Variants in RAB35 observed in about 807,000 individuals in gnomAD.
RAB35 encodes ras-related protein Rab-35.
Under a neutral mutation model 28.9 loss-of-function variants are expected in RAB35, and 4 were observed. The observed-to-expected ratio is 0.14, with a 90% CI of 0.07 to 0.32. The LOEUF is 0.32. RAB35 is among the 10% of genes least tolerant of loss of function. The pLI is 1.00. For missense variants in RAB35, 128 were observed against 274.0 expected (o/e 0.47, Z 3.76); for synonymous variants, 99 against 105.1 (o/e 0.94, Z 0.35).
At chr12:120,101,444 G>C (rs1875653061) in intron 3 of RAB35, among the ~76,000 whole-genome samples, 1 of 152,200 alleles carries the variant, frequency 6.6e-6, no homozygotes, top group Non-Finnish European at 1.5e-5. Flanking sequence ...CAGCTTCTGA[G>C]AGCAAGAACC....
chr12:120,103,349 G>A lies in RAB35; in HGVS notation c.227+477C>T, dbSNP rs560935480. On this transcript the variant is annotated intron_variant, in intron 3 of 5. Coordinates refer to ENST00000229340, the MANE Select transcript of RAB35 (RefSeq NM_006861.7). The surrounding 1 kb of genome is among the most constrained non-coding windows in gnomAD (Gnocchi z 6.1). ...AGGGAAGGGCCTGCTGACATGCACC[G>A]TGTTCGTCTCTAGACAGCGTCACTT... Among the ~76,000 whole-genome samples the A allele has an allele frequency of 2.6e-5, 4 of 152,292 alleles. No homozygotes were observed. The highest frequency in any genetic ancestry group is 4.1e-4 in the South Asian group (2 of 4,828).
intron 1 of RAB35, among the ~76,000 whole-genome samples, chr12:120,112,044 G>C (rs114247898): frequency 4.6e-5 from 7 of 150,892 alleles, no homozygotes; most frequent in African/African-American, 9.8e-5. Flanking sequence ...ACGGTGGCGC[G>C]ATCTTGGCTG....
intron 5 of RAB35, 149 bp downstream of exon 5, chr12:120,098,662 C>T (rs1009253548): frequency 5.5e-6 from 6 of 1,089,270 alleles, no homozygotes; most frequent in Middle Eastern, 2.8e-4. Flanking sequence ...GAACTAAGAT[C>T]GTTAAAGGGC....
At chr12:120,108,494 G>C (rs532334709) in intron 1 of RAB35, 27 bp from the exon 2 acceptor site, 2 of 1,610,520 alleles carry the variant, frequency 1.2e-6, no homozygotes, top group Admixed American at 1.7e-5. Context: ...ACTGCGATGA[G>C]GGGGGCAGGT....
chr12:120,113,841 G>T (rs556319678), intron 1 of RAB35, among the ~76,000 whole-genome samples: 51 of 151,400 alleles, frequency 3.4e-4, no homozygotes, highest in African/African-American at 1.2e-3. Flanking sequence ...AGGAAAAAAA[G>T]AAAATATAGA....
rs1411772128 is a variant in RAB35, at chr12:120,096,671, G to T, written c.*574C>A. 1 of 1,289,860 alleles carries T rather than the reference G, an allele frequency of 7.8e-7. No individual in the cohort carries two copies. 79.9% of individuals were successfully genotyped at this position (1,289,860 alleles called of 1,614,324 possible). On this transcript the variant is annotated 3_prime_UTR_variant, in exon 6 of 6. Coordinates refer to ENST00000229340, the MANE Select transcript of RAB35 (RefSeq NM_006861.7). ...AGAATGGCTGTGGGGACAGGACAAC[G>T]GGGAGGGAAGGGAGCTGGCACAGGC...
Position 120,097,161 on chromosome 12 carries a change from C to CT in RAB35, c.*83dup. ...GAATTCTTTAAATAACGGCACGAAACTGAGACTGTCCCCCGAGGAACCTCC... is the reference window on the plus strand; with the variant it reads ...GAATTCTTTAAATAACGGCACGAAACTTGAGACTGTCCCCCGAGGAACCTCC... On this transcript the variant is annotated 3_prime_UTR_variant, in exon 6 of 6. Coordinates refer to ENST00000229340, the MANE Select transcript of RAB35 (RefSeq NM_006861.7). The CT allele has an allele frequency of 6.2e-7, 1 of 1,612,942 alleles. No homozygotes were observed. Among genetic ancestry groups the CT allele is most frequent in the Non-Finnish European group, 8.5e-7 (1 of 1,179,602 alleles).
intron 1 of RAB35, among the ~76,000 whole-genome samples, chr12:120,113,128 G>A (rs1876188344): frequency 6.6e-6 from 1 of 150,580 alleles, no homozygotes; most frequent in Non-Finnish European, 1.5e-5. Context: ...CTGACCTCAG[G>A]TGATCTGCCC....
chr12:120,108,273 C>A, intron 2 of RAB35, 144 bp downstream of exon 2: 1 of 801,756 alleles, frequency 1.2e-6, no homozygotes, highest in South Asian at 1.7e-5. Context: ...GTCCTAAGCC[C>A]CACTCCATCT....
Position 120,102,008 on chromosome 12 carries a change from G to T in RAB35, c.227+1818C>A, listed in dbSNP as rs751163728. 3.2e-4 allele frequency among the ~76,000 whole-genome samples: 48 copies of T among 152,262 alleles called. 1 individual carries two copies. The highest frequency in any genetic ancestry group is 3.9e-4 in the Admixed American group (6 of 15,302). ...CAGGAGTTCATTCCTCATGGCCACGGGCCTCTGAACCTCTGCCACCCTGAA... is the reference window on the plus strand; with the variant it reads ...CAGGAGTTCATTCCTCATGGCCACGTGCCTCTGAACCTCTGCCACCCTGAA... On this transcript the variant is annotated intron_variant, in intron 3 of 5. Transcript: ENST00000229340.
At chr12:120,115,206 AC>A (rs1876281114) in intron 1 of RAB35, among the ~76,000 whole-genome samples, 1 of 151,504 alleles carries the variant, frequency 6.6e-6, no homozygotes. Context: ...GCCATCCTTC[AC>A]CTGATCCAAA....
At chr12:120,113,536 T>C (rs1374918401) in intron 1 of RAB35, among the ~76,000 whole-genome samples, 2 of 151,738 alleles carry the variant, frequency 1.3e-5, no homozygotes, top group Non-Finnish European at 2.9e-5. Context: ...AATACAGAAC[T>C]GGCCGGGCGC....
intron 1 of RAB35, among the ~76,000 whole-genome samples, chr12:120,116,008 C>T (rs1876316188): frequency 6.6e-6 from 1 of 152,190 alleles, no homozygotes; most frequent in Admixed American, 6.5e-5. Flanking sequence ...AGCCCTTTAT[C>T]CGACTTACCT....
In RAB35 at chr12:120,096,510, A is replaced by C. The variant is rs569514529; in HGVS notation, c.*735T>G. ...GAACTGAAACCTGTTGGTGTAAATG[A>C]GAAGCCATGGCTGCCCTGGGTTTGG... On this transcript the variant is annotated 3_prime_UTR_variant, in exon 6 of 6. Coordinates refer to ENST00000229340, the MANE Select transcript of RAB35 (RefSeq NM_006861.7). 7.8e-7 allele frequency: 1 copy of C among 1,289,806 alleles called. No individual in the cohort carries two copies. The highest frequency in any genetic ancestry group is 2.3e-5 in the Admixed American group (1 of 43,572). The allele number at this position is 1,289,806 out of a possible 1,614,324, so 79.9% of individuals were successfully genotyped here.
intron 5 of RAB35, 152 bp from the exon 6 acceptor site, chr12:120,097,525 G>A (rs1875473775): frequency 3.2e-6 from 2 of 616,798 alleles, no homozygotes; most frequent in South Asian, 4.4e-5. Context: ...AGAAGGAGGT[G>A]GTGAATTATT....
At chr12:120,105,956 G>T (rs926017921) in intron 2 of RAB35, among the ~76,000 whole-genome samples, 15 of 150,850 alleles carry the variant, frequency 9.9e-5, no homozygotes, top group Non-Finnish European at 1.6e-4. Context: ...GGGCCCAAAG[G>T]GTCAACAGTG....
intron 3 of RAB35, among the ~76,000 whole-genome samples, chr12:120,102,612 G>A (rs1388548938): frequency 2.0e-5 from 3 of 152,190 alleles, no homozygotes; most frequent in African/African-American, 4.8e-5. Flanking sequence ...GGAGCTGCTC[G>A]CCCAGCACAC....
intron 1 of RAB35, among the ~76,000 whole-genome samples, chr12:120,111,039 T>A (rs1876097358): frequency 6.6e-6 from 1 of 152,154 alleles, no homozygotes; most frequent in Non-Finnish European, 1.5e-5. Context: ...AGTCTGGGAG[T>A]TCCTCTAGGA....
intron 1 of RAB35, among the ~76,000 whole-genome samples, chr12:120,110,306 G>C (rs367690392): frequency 1.4e-4 from 1 of 7,056 alleles, no homozygotes; most frequent in Non-Finnish European, 2.8e-4. Context: ...TTTTTTTTTG[G>C]AGAGATAGGG....
Sources: gnomAD v4.1 joint callset for allele counts (sites outside exome capture counted in the v4.1 genomes callset) on GRCh38, gnomAD v4.1.1 for gene constraint, Gnocchi (gnomAD v3.1) non-coding constraint, MANE v1.5 for transcripts, NCBI Gene and HGNC (gene_info 2026-07-23, HGNC 2026-07-21) for gene names.